Variants in RPS6KC1 observed in about 807,000 individuals in gnomAD.
RPS6KC1 encodes inactive ribosomal protein S6 kinase delta-1.
In RPS6KC1, 54 loss-of-function variants were observed where a neutral mutation model predicts 103.8. That is an observed-to-expected ratio of 0.52 (90% CI 0.42 to 0.65). RPS6KC1 has a LOEUF of 0.65. Ranked by LOEUF, RPS6KC1 falls within the 30% of genes least tolerant of loss-of-function variation. The probability of loss-of-function intolerance (pLI) is 0.00; values close to 1 mark genes in which losing one functional copy is unlikely to be tolerated. For synonymous variants in RPS6KC1, 439 were observed against 438.7 expected, an observed-to-expected ratio of 1.00 and a Z score of -0.01; for missense variants, 1,151 against 1,253.8, an observed-to-expected ratio of 0.92 and a Z score of 1.24.
chr1:213,792,528 A>G, the RPS6KC1 span, among the ~76,000 whole-genome samples: 5 of 152,032 alleles, frequency 3.3e-5, no homozygotes, highest in African/African-American at 1.2e-4. Flanking sequence ...TTTAAACCCA[A>G]TTCTTCCCTC....
At chr1:213,570,087 C>T in the RPS6KC1 span, among the ~76,000 whole-genome samples, 1 of 152,312 alleles carries the variant, frequency 6.6e-6, no homozygotes, top group East Asian at 1.9e-4. Context: ...TAACACTGTT[C>T]AAACGCTGGA....
chr1:213,539,502 G>T, the RPS6KC1 span, among the ~76,000 whole-genome samples: 1 of 152,316 alleles, frequency 6.6e-6, no homozygotes, highest in East Asian at 1.9e-4. Flanking sequence ...TCCTGCTCCA[G>T]ACTGGGCTCT....
the RPS6KC1 span, among the ~76,000 whole-genome samples, chr1:213,732,996 T>C: frequency 2.2e-4 from 33 of 152,314 alleles, no homozygotes; most frequent in African/African-American, 7.7e-4. Context: ...ACAGGCTAAA[T>C]AGTATTCTAT....
At chr1:213,315,720 G>GC in the RPS6KC1 span, among the ~76,000 whole-genome samples, 1 of 152,166 alleles carries the variant, frequency 6.6e-6, no homozygotes, top group African/African-American at 2.4e-5. Context: ...ATTCCTTGCT[G>GC]CCCCCCACGG....
intron 12 of RPS6KC1, among the ~76,000 whole-genome samples, chr1:213,243,298 T>A (rs200274871): frequency 7.3e-5 from 9 of 124,132 alleles, no homozygotes; most frequent in East Asian, 2.4e-4. Flanking sequence ...TTTTTTTTTT[T>A]AAATAGAAAC....
chr1:213,642,507 G>A, the RPS6KC1 span, among the ~76,000 whole-genome samples: 4 of 152,054 alleles, frequency 2.6e-5, no homozygotes, highest in African/African-American at 9.7e-5. Context: ...AAAGTACTAA[G>A]AAGAAAGTGC....
the RPS6KC1 span, among the ~76,000 whole-genome samples, chr1:213,449,206 C>T: frequency 6.6e-6 from 1 of 150,966 alleles, no homozygotes; most frequent in Non-Finnish European, 1.5e-5. Flanking sequence ...TCGTTTTAGG[C>T]TCTGGGACCC....
At chr1:213,080,507 A>G (rs2079770975) in intron 3 of RPS6KC1, among the ~76,000 whole-genome samples, 1 of 152,104 alleles carries the variant, frequency 6.6e-6, no homozygotes. Flanking sequence ...ATTCTCTTTA[A>G]TAGTCATAAT....
At chr1:213,493,675 G>C in the RPS6KC1 span, among the ~76,000 whole-genome samples, 2 of 152,086 alleles carry the variant, frequency 1.3e-5, no homozygotes, top group African/African-American at 4.8e-5. Flanking sequence ...TTCTCCTACT[G>C]CTCCCCACAC....
the RPS6KC1 span, among the ~76,000 whole-genome samples, chr1:213,651,044 T>C: frequency 6.6e-6 from 1 of 151,568 alleles, no homozygotes; most frequent in Non-Finnish European, 1.5e-5. Context: ...TGAATCGCCC[T>C]CCTAGGGAGT....
At chr1:213,059,712 G>C (rs996423876) in intron 1 of RPS6KC1, among the ~76,000 whole-genome samples, 3 of 151,236 alleles carry the variant, frequency 2.0e-5, no homozygotes, top group Non-Finnish European at 2.9e-5. Flanking sequence ...TCGCTCTGTT[G>C]CCCAGGCTGG....
chr1:213,188,667 A>G (rs2092633247), intron 8 of RPS6KC1, among the ~76,000 whole-genome samples: 1 of 152,192 alleles, frequency 6.6e-6, no homozygotes, highest in Non-Finnish European at 1.5e-5. Context: ...TGTAAATATA[A>G]CAAGACATAG....
the RPS6KC1 span, among the ~76,000 whole-genome samples, chr1:213,703,973 T>A: frequency 6.6e-6 from 1 of 152,198 alleles, no homozygotes; most frequent in Non-Finnish European, 1.5e-5. Context: ...ATTTGCCCTT[T>A]TAAGGCTATT....
chr1:213,587,438 C>T, the RPS6KC1 span, among the ~76,000 whole-genome samples: 1 of 152,092 alleles, frequency 6.6e-6, no homozygotes, highest in East Asian at 1.9e-4. Context: ...ACAGAGATGC[C>T]TGGGAAGATA....
the RPS6KC1 span, among the ~76,000 whole-genome samples, chr1:213,468,818 G>A: frequency 2.6e-4 from 39 of 152,144 alleles, no homozygotes; most frequent in East Asian, 6.4e-3. Context: ...ATCTGCTCCC[G>A]AGTGCCCTTC....
At chr1:213,195,796 T>C (rs555417302) in intron 8 of RPS6KC1, among the ~76,000 whole-genome samples, 1 of 152,082 alleles carries the variant, frequency 6.6e-6, no homozygotes, top group Non-Finnish European at 1.5e-5. Flanking sequence ...TATTTTATTA[T>C]TTTTATGGCT....
the RPS6KC1 span, among the ~76,000 whole-genome samples, chr1:213,351,542 A>G: frequency 1 from 151,783 of 152,314 alleles, 75,632 homozygotes; most frequent in East Asian, 1. Context: ...TAATGGCTAT[A>G]TGAGTGGAGT....
chr1:213,089,586 C>T (rs184146174), intron 3 of RPS6KC1, among the ~76,000 whole-genome samples: 189 of 152,088 alleles, frequency 1.2e-3, no homozygotes, highest in South Asian at 2.9e-3. Flanking sequence ...CTCAGCCTCC[C>T]GAGTAGCTGG....
intron 8 of RPS6KC1, chr1:213,205,536 T>TTTTA (rs1553378412): frequency 4.9e-5 from 4 of 82,292 alleles, no homozygotes; most frequent in African/African-American, 1.9e-4. Context: ...ACAAACTCAT[T>TTTTA]TATATATATA....
Sources: allele counts gnomAD v4.1 joint callset (sites outside exome capture counted in the v4.1 genomes callset), GRCh38; gene constraint gnomAD v4.1.1; transcripts MANE v1.5; gene names NCBI Gene and HGNC (gene_info 2026-07-23, HGNC 2026-07-21).